Variants in PLEKHH2 observed in about 807,000 individuals in gnomAD.
PLEKHH2 encodes pleckstrin homology, MyTH4 and FERM domain containing H2.
In PLEKHH2, 129 loss-of-function variants were observed where a neutral mutation model predicts 187.9. That is an observed-to-expected ratio of 0.69 (90% CI 0.59 to 0.79). PLEKHH2 has a LOEUF of 0.79. Among genes scored for constraint, PLEKHH2 ranks in the 30% least tolerant of loss-of-function variants. PLEKHH2 has a pLI of 0.00. For synonymous variants in PLEKHH2, 686 were observed against 605.6 expected (o/e 1.13, Z -1.95); for missense variants, 2,076 against 1,751.2 (o/e 1.19, Z -3.31).
intron 7 of PLEKHH2, among the ~76,000 whole-genome samples, chr2:43,697,926 A>C (rs1669167043): frequency 6.6e-6 from 1 of 151,804 alleles, no homozygotes; most frequent in Non-Finnish European, 1.5e-5. Context: ...ACAGATTTCT[A>C]CTCTTCTTCT....
intron 16 of PLEKHH2, among the ~76,000 whole-genome samples, chr2:43,721,743 G>T (rs912554231): frequency 3.3e-5 from 5 of 152,030 alleles, no homozygotes; most frequent in African/African-American, 1.2e-4. Context: ...AAAATTAGCT[G>T]AGTGTGGTAG....
At chr2:43,695,758 C>G (rs905472156) in intron 6 of PLEKHH2, among the ~76,000 whole-genome samples, 1 of 152,170 alleles carries the variant, frequency 6.6e-6, no homozygotes, top group Non-Finnish European at 1.5e-5. Flanking sequence ...GAGACATGCA[C>G]TCCAGAAGTC....
At chr2:43,647,788 T>G (rs1053232407) in intron 2 of PLEKHH2, among the ~76,000 whole-genome samples, 1 of 152,124 alleles carries the variant, frequency 6.6e-6, no homozygotes, top group African/African-American at 2.4e-5. Context: ...AGGGTGAAGA[T>G]TCTTGAGAGA....
At chr2:43,655,936 TC>T (rs530471488) in intron 2 of PLEKHH2, among the ~76,000 whole-genome samples, 6 of 151,768 alleles carry the variant, frequency 4.0e-5, no homozygotes, top group Non-Finnish European at 5.9e-5. Flanking sequence ...TACTTCATCA[TC>T]TATTTAATCT....
chr2:43,638,616 A>G (rs745385391), intron 1 of PLEKHH2, among the ~76,000 whole-genome samples: 1 of 152,190 alleles, frequency 6.6e-6, no homozygotes, highest in Non-Finnish European at 1.5e-5. Context: ...GACATGATAG[A>G]TTCCTTTCAA....
intron 15 of PLEKHH2, 45 bp downstream of exon 15, chr2:43,712,428 A>T (rs574286282): frequency 1.2e-5 from 19 of 1,574,052 alleles, no homozygotes; most frequent in East Asian, 4.5e-5. Context: ...AGCTATGGGC[A>T]TGAGCCCATG....
intron 2 of PLEKHH2, chr2:43,676,215 T>C (rs4952675): frequency 0.66 from 1,062,301 of 1,613,630 alleles, 357,545 homozygotes; most frequent in Middle Eastern, 0.71. Context: ...GGTCTTGAGT[T>C]TGACCTCTGT....
intron 2 of PLEKHH2, among the ~76,000 whole-genome samples, chr2:43,659,874 A>T (rs888699664): frequency 3.3e-5 from 5 of 152,116 alleles, no homozygotes; most frequent in Non-Finnish European, 5.9e-5. Context: ...GGCACTTTTT[A>T]AAAATTTTTT....
At position 43,699,653 on chromosome 2, in the gene PLEKHH2, A is replaced by G; in HGVS notation, c.695A>G (p.Glu232Gly). 1 of 1,609,836 alleles carries G rather than the reference A, an allele frequency of 6.2e-7. No homozygotes were observed. ...ATGATGTATCCTTTTCTAGAAATGG[A>G]AATTCCAGAAAAGTCTGTTGATAAC... Reference protein sequence around the residue: ...FTEGKDMEEMEIPEKSVDNQV... With the variant: ...FTEGKDMEEMGIPEKSVDNQV... Residue 232 changes from glutamate (E) to glycine (G), a missense_variant, in exon 8 of 30, where the codon GAA becomes GGA. Physicochemically the swap from Glu to Gly is moderately conservative, Grantham distance 98. Transcript: ENST00000282406.
Position 43,707,481 on chromosome 2 carries a change from C to CCGGA in PLEKHH2, c.1905_1908dup (p.Ser637AspfsTer9). The CCGGA allele has an allele frequency of 6.2e-7, 1 of 1,614,128 alleles. No homozygotes were observed. The highest frequency in any genetic ancestry group is 1.1e-5 in the South Asian group (1 of 91,084). Reference sequence around the variant, plus strand: ...AAGAAGACAGCTCCAGATCCAGCTCCCGGACGTCAGAGTCAGACTCACGCA... The same window carrying CCGGA: ...AAGAAGACAGCTCCAGATCCAGCTCCCGGACGGACGTCAGAGTCAGACTCACGCA... On this transcript the variant is annotated frameshift_variant, in exon 11 of 30. Coordinates refer to ENST00000282406, the MANE Select transcript of PLEKHH2 (RefSeq NM_172069.4). LOFTEE classifies it high-confidence loss of function.
At chr2:43,697,766 A>G (rs1401459175) in intron 7 of PLEKHH2, among the ~76,000 whole-genome samples, 1 of 152,156 alleles carries the variant, frequency 6.6e-6, no homozygotes, top group Admixed American at 6.6e-5. Flanking sequence ...AATATAAAAC[A>G]TTACTTAATA....
At position 43,699,878 on chromosome 2, in the gene PLEKHH2, C is replaced by G. The variant is rs1433326761; in HGVS notation, c.920C>G (p.Ser307Cys). ...RSKSRCTSTL[S>C]SHTSEEGVQC... ...AAGTCCAGATGCACATCCACCCTCT[C>G]CAGTCACACATCTGAGGAAGGGGTC... Residue 307 changes from serine (S) to cysteine (C), a missense_variant, in exon 8 of 30, where the codon TCC (serine) becomes TGC (cysteine). By Grantham distance (112) the Ser-to-Cys change is moderately radical. Coordinates refer to ENST00000282406, the MANE Select transcript of PLEKHH2 (RefSeq NM_172069.4). The G allele has an allele frequency of 1.9e-6, 3 of 1,614,080 alleles. No homozygotes were observed. The highest frequency in any genetic ancestry group is 1.1e-5 in the South Asian group (1 of 91,066).
intron 8 of PLEKHH2, among the ~76,000 whole-genome samples, chr2:43,702,033 T>TC (rs1387019870): frequency 5.3e-5 from 8 of 152,206 alleles, no homozygotes; most frequent in African/African-American, 1.7e-4. Flanking sequence ...CCTCCCAAAG[T>TC]GCTGGGATTA....
intron 2 of PLEKHH2, among the ~76,000 whole-genome samples, chr2:43,646,568 A>T (rs908261981): frequency 2.0e-5 from 3 of 152,156 alleles, no homozygotes; most frequent in African/African-American, 7.2e-5. Flanking sequence ...TTAAATTCTA[A>T]ATTTTATGGC....
Position 43,731,567 on chromosome 2 carries a change from G to A in PLEKHH2, c.2908G>A (p.Glu970Lys), listed in dbSNP as rs771040248. 1.1e-5 allele frequency: 17 copies of A among 1,598,188 alleles called. No individual in the cohort carries two copies. Among genetic ancestry groups the A allele is most frequent in the African/African-American group, 5.4e-5 (4 of 74,454 alleles). ...TTCCCCTCTGACAACTCTACCTTCC[G>A]AAGCCCTGCAGACAGAAGCTATTAA... is the stretch of plus-strand genomic sequence containing the variant. The part of the protein sequence containing the change: ...IISPLTTLPS[E>K]ALQTEAIKLF... Residue 970 changes from glutamate to lysine, a missense_variant, in exon 19 of 30, where the codon GAA becomes AAA. By Grantham distance (56) the Glu-to-Lys change is moderately conservative. Transcript: ENST00000282406.
intron 26 of PLEKHH2, among the ~76,000 whole-genome samples, chr2:43,758,183 C>A (rs1026249820): frequency 5.9e-5 from 9 of 152,226 alleles, no homozygotes; most frequent in African/African-American, 2.2e-4. Context: ...TTGCATCTAA[C>A]ATCTCTCCAA....
intron 9 of PLEKHH2, among the ~76,000 whole-genome samples, chr2:43,704,293 A>G (rs1273450233): frequency 1.3e-5 from 2 of 152,186 alleles, no homozygotes; most frequent in South Asian, 2.1e-4. Flanking sequence ...TCAGATTTGC[A>G]AAATGAAAAA....
Position 43,738,388 on chromosome 2 carries a change from T to G in PLEKHH2, c.2991T>G (p.Asp997Glu). The G allele has an allele frequency of 6.2e-7, 1 of 1,613,328 alleles. No individual in the cohort carries two copies. The highest frequency in any genetic ancestry group is 8.5e-7 in the Non-Finnish European group (1 of 1,179,498). ...CTGCAGTTGACTCTCCTGCAATTGATTACCACATATCTTTAGCCCAGAGTG... is the reference window on the plus strand; with the variant it reads ...CTGCAGTTGACTCTCCTGCAATTGAGTACCACATATCTTTAGCCCAGAGTG... ...INAAVDSPAI[D>E]YHISLAQSAL... is the part of the protein sequence containing the mutation. The change falls in exon 20 of 30, where the codon GAT (aspartate) becomes GAG (glutamate). Residue 997 changes from aspartate to glutamate, a missense_variant. Physicochemically the swap from Asp to Glu is conservative, Grantham distance 45 (BLOSUM62 2). Transcript: ENST00000282406.
intron 15 of PLEKHH2, among the ~76,000 whole-genome samples, chr2:43,718,296 T>C (rs200055918): frequency 1.3e-5 from 2 of 152,068 alleles, no homozygotes; most frequent in East Asian, 3.9e-4. Context: ...TCCCAGCACT[T>C]TGGGAGGCCG....
Sources: gnomAD v4.1 joint callset for allele counts (sites outside exome capture counted in the v4.1 genomes callset) on GRCh38, gnomAD v4.1.1 for gene constraint, MANE v1.5 for transcripts, NCBI Gene and HGNC (gene_info 2026-07-23, HGNC 2026-07-21) for gene names.